Variants in CECR2 observed in about 807,000 individuals in gnomAD.
CECR2 encodes chromatin remodeling regulator CECR2.
CECR2 carries 30 observed loss-of-function variants against 154.5 expected under a neutral mutation model. That is an observed-to-expected ratio of 0.19 (90% confidence interval 0.15 to 0.26). The LOEUF is 0.26. Among genes scored for constraint, CECR2 ranks in the 10% least tolerant of loss-of-function variants. CECR2 has a pLI of 1.00. For synonymous variants in CECR2, 725 were observed against 683.7 expected (o/e 1.06, Z -0.94); for missense variants, 1,743 against 1,829.3 (o/e 0.95, Z 0.86).
At chr22:17,397,921 T>G (rs150852749) in intron 1 of CECR2, among the ~76,000 whole-genome samples, 53 of 152,302 alleles carry the variant, frequency 3.5e-4, no homozygotes, top group African/African-American at 1.2e-3. Flanking sequence ...TTCCACCGTT[T>G]TGGGAAATTC....
intron 1 of CECR2, among the ~76,000 whole-genome samples, chr22:17,454,981 A>G (rs2054831534): frequency 6.6e-6 from 1 of 152,196 alleles, no homozygotes; most frequent in Non-Finnish European, 1.5e-5. Flanking sequence ...TGACACGTCC[A>G]CCCTACTGCT....
intron 1 of CECR2, among the ~76,000 whole-genome samples, chr22:17,446,717 A>G (rs2054670681): frequency 1.4e-5 from 2 of 144,792 alleles, no homozygotes; most frequent in Admixed American, 6.8e-5. Flanking sequence ...CTTTGTCTCA[A>G]AAACAAAACA....
At chr22:17,399,615 A>G (rs1328579826) in intron 1 of CECR2, among the ~76,000 whole-genome samples, 1 of 151,930 alleles carries the variant, frequency 6.6e-6, no homozygotes, top group African/African-American at 2.4e-5. Context: ...ACGGGGTTTC[A>G]CTGTGTTGGT....
chr22:17,511,973 G>T, intron 8 of CECR2, 77 bp downstream of exon 8: 1 of 1,101,332 alleles, frequency 9.1e-7, no homozygotes, highest in Non-Finnish European at 1.3e-6. Context: ...TTCCATTCCT[G>T]CCTTTTTATT....
At chr22:17,535,667 A>T (rs1306908777) in intron 9 of CECR2, among the ~76,000 whole-genome samples, 4 of 148,000 alleles carry the variant, frequency 2.7e-5, no homozygotes, top group African/African-American at 1.0e-4. Context: ...TTTATGGTTG[A>T]AATTTTTCTT....
Position 17,530,119 on chromosome 22 carries a change from T to G in CECR2, c.1108+5848T>G, listed in dbSNP as rs558435449. Reference sequence around the variant, plus strand: ...CCTCTGTCGTATGCTGGTATTTATATTCTAGCATCTCAACAGTGCTGATGG... The same window carrying G: ...CCTCTGTCGTATGCTGGTATTTATAGTCTAGCATCTCAACAGTGCTGATGG... On this transcript the variant is annotated intron_variant, in intron 9 of 18. Coordinates refer to ENST00000262608, the MANE Select transcript of CECR2 (RefSeq NM_001290047.2). 5.3e-5 allele frequency among the ~76,000 whole-genome samples: 8 copies of G among 152,274 alleles called. No homozygotes were observed. In the East Asian group the frequency reaches 1.2e-3, roughly 22 times the overall value.
intron 1 of CECR2, among the ~76,000 whole-genome samples, chr22:17,457,403 A>G (rs780862147): frequency 3.3e-5 from 5 of 152,094 alleles, no homozygotes; most frequent in Non-Finnish European, 5.9e-5. Context: ...GCTCAATTCT[A>G]TTTTCTTGTG....
chr22:17,413,508 G>T (rs1273871244), intron 1 of CECR2, among the ~76,000 whole-genome samples: 2 of 152,096 alleles, frequency 1.3e-5, no homozygotes, highest in Non-Finnish European at 2.9e-5. Context: ...GATCTTAGCA[G>T]CAGGGAAAAT....
intron 2 of CECR2, among the ~76,000 whole-genome samples, chr22:17,485,489 C>G (rs939020885): frequency 7.2e-5 from 11 of 152,124 alleles, no homozygotes; most frequent in African/African-American, 1.7e-4. Flanking sequence ...AAGTATTGGC[C>G]GGGCGTGGTG....
At chr22:17,385,969 G>T (rs1407632354) in intron 1 of CECR2, among the ~76,000 whole-genome samples, 2 of 152,188 alleles carry the variant, frequency 1.3e-5, no homozygotes, top group Non-Finnish European at 2.9e-5. Flanking sequence ...ATTTTTGGCT[G>T]CGAATGATGG....
chr22:17,544,999 A>G lies in CECR2; in HGVS notation c.2860+1996A>G, dbSNP rs1467043411. 2.0e-5 allele frequency among the ~76,000 whole-genome samples: 3 copies of G among 151,968 alleles called. No homozygotes were observed. In the East Asian group the frequency reaches 5.8e-4, roughly 29 times the overall value. On this transcript the variant is annotated intron_variant, in intron 16 of 18. Coordinates refer to ENST00000262608, the MANE Select transcript of CECR2 (RefSeq NM_001290047.2). ...TACCATCTTGAAAGTTATCAAGTGA[A>G]TTTCTGTTCCTTGGATACATACCTG...
chr22:17,454,494 A>T (rs980801139), intron 1 of CECR2, among the ~76,000 whole-genome samples: 1 of 151,646 alleles, frequency 6.6e-6, no homozygotes, highest in African/African-American at 2.4e-5. Context: ...AGTCCCAGCT[A>T]CTCGGAAAGC....
intron 1 of CECR2, among the ~76,000 whole-genome samples, chr22:17,392,594 A>G (rs79350946): frequency 0.077 from 11,693 of 152,064 alleles, 907 homozygotes; most frequent in African/African-American, 0.2. Context: ...GGGAGGTGGA[A>G]GTTGTTGAGT....
intron 1 of CECR2, among the ~76,000 whole-genome samples, chr22:17,382,456 C>T (rs1329174278): frequency 6.6e-6 from 1 of 152,062 alleles, no homozygotes; most frequent in African/African-American, 2.4e-5. Flanking sequence ...GGGGTCAGTT[C>T]CAGACTATTG....
intron 17 of CECR2, among the ~76,000 whole-genome samples, chr22:17,551,159 T>A (rs1261417624): frequency 6.6e-6 from 1 of 152,212 alleles, no homozygotes; most frequent in Admixed American, 6.5e-5. Flanking sequence ...ATCATGGCCC[T>A]TAACCCCTCA....
intron 1 of CECR2, among the ~76,000 whole-genome samples, chr22:17,411,069 C>T (rs991636174): frequency 1.3e-5 from 2 of 152,112 alleles, no homozygotes; most frequent in African/African-American, 4.8e-5. Context: ...TTCATATTTA[C>T]GAGTTCTGTT....
At chr22:17,502,831 A>T (rs2055763593) in intron 5 of CECR2, among the ~76,000 whole-genome samples, 2 of 152,260 alleles carry the variant, frequency 1.3e-5, no homozygotes, top group South Asian at 4.1e-4. Context: ...AATAAAAGTT[A>T]CTGTTTTCTT....
chr22:17,420,116 G>A (rs373865760), intron 1 of CECR2, among the ~76,000 whole-genome samples: 5 of 152,188 alleles, frequency 3.3e-5, no homozygotes, highest in Non-Finnish European at 5.9e-5. Flanking sequence ...CCAGAGGGGG[G>A]TTGGTCTACA....
chr22:17,467,695 TCA>T (rs2055056526), intron 1 of CECR2, among the ~76,000 whole-genome samples: 1 of 152,054 alleles, frequency 6.6e-6, no homozygotes, highest in Non-Finnish European at 1.5e-5. Context: ...GGCAGGAGAA[TCA>T]TTTGAACCTG....
Sources: gnomAD v4.1 joint callset for allele counts (sites outside exome capture counted in the v4.1 genomes callset) on GRCh38, gnomAD v4.1.1 for gene constraint, MANE v1.5 for transcripts, NCBI Gene and HGNC (gene_info 2026-07-23, HGNC 2026-07-21) for gene names.